PCDH9: variants seen among roughly 807,000 people sequenced by gnomAD.
PCDH9 encodes protocadherin 9, also known as protocadherin-9.
In PCDH9, 24 loss-of-function variants were observed where a neutral mutation model predicts 70.6. The observed-to-expected ratio is 0.34, with a 90% CI of 0.25 to 0.48. PCDH9 has a LOEUF of 0.48. PCDH9 is among the 20% of genes least tolerant of loss of function. The pLI is 0.99. For missense variants in PCDH9, 1,281 were observed against 1,503.6 expected, an observed-to-expected ratio of 0.85 and a Z score of 2.45; for synonymous variants, 562 against 558.5, an observed-to-expected ratio of 1.01 and a Z score of -0.09.
intron 2 of PCDH9, among the ~76,000 whole-genome samples, chr13:67,113,587 G>A (rs7328007): frequency 4.0e-5 from 6 of 150,558 alleles, no homozygotes; most frequent in Non-Finnish European, 7.4e-5. Context: ...TCGCTCTGTC[G>A]CCCAGGCTGG....
At chr13:67,024,980 AG>A (rs1479205830) in intron 2 of PCDH9, among the ~76,000 whole-genome samples, 1 of 152,124 alleles carries the variant, frequency 6.6e-6, no homozygotes, top group African/African-American at 2.4e-5. Context: ...GTATGTCACA[AG>A]TATATTCGTT....
rs191117407 is a variant in PCDH9, at chr13:67,165,559, C to T, written c.3036+59846G>A. Among the ~76,000 whole-genome samples the T allele has an allele frequency of 1.9e-3, 292 of 152,060 alleles. 2 individuals are homozygous for T. Among genetic ancestry groups the T allele is most frequent in the African/African-American group, 6.7e-3 (277 of 41,496 alleles). On this transcript the variant is annotated intron_variant, in intron 2 of 4. Coordinates refer to ENST00000377865, the MANE Select transcript of PCDH9 (RefSeq NM_203487.3). ...ACTGTCCTGGGCTTACATGGCAGAA[C>T]TGAGATTGAATCCATAACAAAGAGA...
At chr13:66,404,893 C>T (rs1957253351) in intron 4 of PCDH9, among the ~76,000 whole-genome samples, 1 of 152,100 alleles carries the variant, frequency 6.6e-6, no homozygotes, top group Admixed American at 6.6e-5. Context: ...AACATTCCTG[C>T]TTATAACATA....
intron 2 of PCDH9, chr13:67,210,807 A>C (rs2089452962): frequency 6.6e-6 from 1 of 152,054 alleles, no homozygotes; most frequent in South Asian, 2.1e-4. Context: ...TGATTTTAAT[A>C]ACCACTACTG....
chr13:66,903,795 A>G (rs1224664286), intron 2 of PCDH9, among the ~76,000 whole-genome samples, 190 bp from the exon 3 acceptor site: 4 of 152,024 alleles, frequency 2.6e-5, no homozygotes, highest in Non-Finnish European at 5.9e-5. Context: ...GGATAAACAA[A>G]TTGTTAAAAC....
intron 3 of PCDH9, among the ~76,000 whole-genome samples, chr13:66,826,790 G>A (rs1294756905): frequency 1.3e-5 from 2 of 152,182 alleles, no homozygotes; most frequent in Non-Finnish European, 2.9e-5. Context: ...GAGACTTAAA[G>A]GATGAGACTA....
chr13:66,931,496 G>A (rs1165908289), intron 2 of PCDH9, among the ~76,000 whole-genome samples: 3 of 152,080 alleles, frequency 2.0e-5, no homozygotes, highest in Non-Finnish European at 4.4e-5. Context: ...GAAAATGTAA[G>A]TGAATGTGAT....
rs1229516459 is a variant in PCDH9, at chr13:66,849,503, T to G, written c.3138+54001A>C. ...ATAGGTAGGTATATATATATATATA[T>G]ATATATATATATATAGAGAGAGAGA... is the stretch of plus-strand genomic sequence containing the variant. On this transcript the variant is annotated intron_variant, in intron 3 of 4. Coordinates refer to ENST00000377865, the MANE Select transcript of PCDH9 (RefSeq NM_203487.3). Among the ~76,000 whole-genome samples the G allele has an allele frequency of 7.1e-3, 657 of 92,602 alleles. 5 individuals carry two copies. The highest frequency in any genetic ancestry group is 9.6e-3 in the Non-Finnish European group (450 of 46,734). The allele number at this position is 92,602 out of a possible 152,430, so 60.8% of individuals were successfully genotyped here.
chr13:66,861,734 T>C (rs1280256593), intron 3 of PCDH9, among the ~76,000 whole-genome samples: 1 of 152,164 alleles, frequency 6.6e-6, no homozygotes, highest in African/African-American at 2.4e-5. Flanking sequence ...AAGAAAAATA[T>C]TTTAATATTT....
chr13:66,982,498 G>A (rs997346370), intron 2 of PCDH9, among the ~76,000 whole-genome samples: 3 of 152,070 alleles, frequency 2.0e-5, no homozygotes, highest in African/African-American at 7.2e-5. Flanking sequence ...CCAATATTTG[G>A]TTATAAAGGT....
chr13:66,505,704 G>A (rs1380923104), intron 4 of PCDH9, among the ~76,000 whole-genome samples: 2 of 152,024 alleles, frequency 1.3e-5, no homozygotes, highest in Non-Finnish European at 2.9e-5. Flanking sequence ...TCACTATCAC[G>A]AGAACAGCAC....
rs1248563393 is a variant in PCDH9 at position 66,950,815 on chromosome 13, C to T, written c.3037-47210G>A. The stretch of plus-strand genomic sequence containing the variant: ...TTAAAATTGTCTACTTAACCAAAAA[C>T]AGCTCTGCCTCCACAAGCCATCTAT... On this transcript the variant is annotated intron_variant, in intron 2 of 4. Coordinates refer to ENST00000377865, the MANE Select transcript of PCDH9 (RefSeq NM_203487.3). Among the ~76,000 whole-genome samples, 5 of 152,204 alleles carry T rather than the reference C, an allele frequency of 3.3e-5. No individual in the cohort carries two copies. The East Asian group carries it at 5.8e-4, about 18-fold the overall frequency.
intron 2 of PCDH9, among the ~76,000 whole-genome samples, chr13:67,041,118 G>T (rs1404734362): frequency 6.6e-6 from 1 of 151,974 alleles, no homozygotes; most frequent in South Asian, 2.1e-4. Flanking sequence ...TTGTTAAAAG[G>T]TTCTTTTTCT....
intron 2 of PCDH9, among the ~76,000 whole-genome samples, chr13:66,959,232 G>A (rs1012627307): frequency 6.6e-6 from 1 of 152,082 alleles, no homozygotes; most frequent in African/African-American, 2.4e-5. Context: ...GTCACTTAGA[G>A]CCTCCAAAAA....
At chr13:66,567,725 A>G (rs915189512) in intron 4 of PCDH9, among the ~76,000 whole-genome samples, 6 of 152,196 alleles carry the variant, frequency 3.9e-5, no homozygotes, top group African/African-American at 1.4e-4. Context: ...GTACCATTTT[A>G]AAGTACAAAC....
At chr13:66,505,877 G>A (rs952135616) in intron 4 of PCDH9, among the ~76,000 whole-genome samples, 6 of 152,034 alleles carry the variant, frequency 3.9e-5, no homozygotes, top group Admixed American at 6.6e-5. Flanking sequence ...AAACTCCTGG[G>A]CTCAAGCAAT....
chr13:66,769,204 A>G (rs915234924), intron 3 of PCDH9, among the ~76,000 whole-genome samples: 1 of 152,108 alleles, frequency 6.6e-6, no homozygotes, highest in South Asian at 2.1e-4. Context: ...AAAGGAAATA[A>G]TAAAGTGAAA....
At chr13:67,218,192 G>A (rs2089650034) in intron 2 of PCDH9, 1 of 152,010 alleles carries the variant, frequency 6.6e-6, no homozygotes, top group African/African-American at 2.4e-5. Context: ...CTTATGAAGG[G>A]TTCACTGTGT....
intron 2 of PCDH9, among the ~76,000 whole-genome samples, chr13:66,976,445 C>G (rs1002922106): frequency 2.0e-5 from 3 of 152,052 alleles, no homozygotes; most frequent in Admixed American, 1.3e-4. Context: ...CTCATTTTCT[C>G]TATGGAATCT....
Sources: allele counts gnomAD v4.1 joint callset (sites outside exome capture counted in the v4.1 genomes callset), GRCh38; gene constraint gnomAD v4.1.1; transcripts MANE v1.5; gene names NCBI Gene and HGNC (gene_info 2026-07-23, HGNC 2026-07-21).